The following ZC3HAV1L variants were observed in gnomAD, a reference collection of about 807,000 sequenced individuals.
The protein encoded by ZC3HAV1L is ZC3HAV1 like, also known as zinc finger CCCH-type antiviral protein 1-like.
Under a neutral mutation model 28.2 loss-of-function variants are expected in ZC3HAV1L, and 23 were observed. The ratio of observed to expected loss-of-function variants is 0.82; its 90% CI spans 0.59 to 1.16. ZC3HAV1L has a LOEUF of 1.16. ZC3HAV1L is among the 50% of genes most tolerant of loss of function. The probability of loss-of-function intolerance (pLI) is 0.00; values close to 1 mark genes in which losing one functional copy is unlikely to be tolerated. For missense variants in ZC3HAV1L, 376 were observed against 387.7 expected, an observed-to-expected ratio of 0.97 and a Z score of 0.25; for synonymous variants, 180 against 163.4, an observed-to-expected ratio of 1.10 and a Z score of -0.78.
At chr7:139,024,990 C>CAGGGAGGA (rs371084380), downstream of ZC3HAV1L, among the ~76,000 whole-genome samples, 582 of 151,514 alleles carry the variant, frequency 3.8e-3, 4 homozygotes, top group African/African-American at 0.013. Context: ...AGGTGGAGAG[C>CAGGGAGGA]AGGGAGGAAG....
chr7:139,029,738 TCA>T (rs1345537603), intron 2 of ZC3HAV1L, among the ~76,000 whole-genome samples: 7 of 152,072 alleles, frequency 4.6e-5, no homozygotes, highest in African/African-American at 1.7e-4. Flanking sequence ...CTCAAAAAAA[TCA>T]CACATACCTG....
chr7:139,034,493 G>T, intron 2 of ZC3HAV1L, 50 bp downstream of exon 2: 16 of 1,592,236 alleles, frequency 1.0e-5, no homozygotes, highest in Admixed American at 1.8e-5. Flanking sequence ...AATAAATGGG[G>T]AAAGTACTTG....
chr7:139,023,926 G>C (rs1351946573), downstream of ZC3HAV1L, among the ~76,000 whole-genome samples: 1 of 151,878 alleles, frequency 6.6e-6, no homozygotes, highest in Non-Finnish European at 1.5e-5. Context: ...TCCAACACTG[G>C]GTAACCAATT....
At chr7:139,034,812 G>A (rs943141016) in intron 1 of ZC3HAV1L, 134 bp from the exon 2 acceptor site, 2 of 1,431,602 alleles carry the variant, frequency 1.4e-6, no homozygotes, top group Non-Finnish European at 1.8e-6. Flanking sequence ...GGGATAGTAT[G>A]GCCTAATAAG....
intron 2 of ZC3HAV1L, among the ~76,000 whole-genome samples, chr7:139,031,630 C>T (rs1193918721): frequency 6.6e-6 from 1 of 151,806 alleles, no homozygotes; most frequent in African/African-American, 2.4e-5. Context: ...GGGGGCCAGG[C>T]GCTATGGCTC....
At chr7:139,034,507 C>T (rs1460007462) in intron 2 of ZC3HAV1L, 36 bp downstream of exon 2, 3 of 1,605,680 alleles carry the variant, frequency 1.9e-6, no homozygotes, top group Admixed American at 1.7e-5. Context: ...GTACTTGTAG[C>T]AAATGTGACA....
chr7:139,030,368 CG>C (rs752276383), intron 2 of ZC3HAV1L, among the ~76,000 whole-genome samples: 29 of 151,990 alleles, frequency 1.9e-4, no homozygotes, highest in Non-Finnish European at 3.8e-4. Flanking sequence ...TTACATGAAC[CG>C]GGGAGGTGGA....
intron 2 of ZC3HAV1L, chr7:139,034,104 C>T: frequency 1.0e-6 from 1 of 985,472 alleles, no homozygotes. Context: ...CAGCTCCTAC[C>T]TCTAGTCTTG....
chr7:139,025,313 T>G (rs531096270), downstream of ZC3HAV1L, among the ~76,000 whole-genome samples: 43 of 152,086 alleles, frequency 2.8e-4, no homozygotes, highest in Admixed American at 7.2e-4. Flanking sequence ...CTGGGCGTGG[T>G]GGCTCATGCC....
chr7:139,022,151 A>G (rs1002009717), downstream of ZC3HAV1L, among the ~76,000 whole-genome samples: 1 of 152,242 alleles, frequency 6.6e-6, no homozygotes, highest in Non-Finnish European at 1.5e-5. Flanking sequence ...TAAGCCTTAA[A>G]GAGTTAACTT....
chr7:139,033,214 A>G (rs1313517874), intron 2 of ZC3HAV1L, among the ~76,000 whole-genome samples: 2 of 108,054 alleles, frequency 1.9e-5, no homozygotes, highest in South Asian at 2.7e-4. Flanking sequence ...AAAAAAAACT[A>G]TATAAGTCTG....
chr7:139,034,458 A>G (rs1297485177), intron 2 of ZC3HAV1L, 85 bp downstream of exon 2: 10 of 1,551,034 alleles, frequency 6.4e-6, no homozygotes. Context: ...AGGCAATTAA[A>G]ATTAATATGT....
intron 2 of ZC3HAV1L, among the ~76,000 whole-genome samples, chr7:139,031,729 C>A (rs1238585497): frequency 6.6e-6 from 1 of 152,184 alleles, no homozygotes; most frequent in East Asian, 1.9e-4. Context: ...AAATGACAAA[C>A]CCCATCTCTA....
intron 1 of ZC3HAV1L, 125 bp from the exon 2 acceptor site, chr7:139,034,803 G>C (rs1815649249): frequency 4.1e-6 from 6 of 1,448,352 alleles, no homozygotes; most frequent in Non-Finnish European, 5.5e-6. Flanking sequence ...ATGAAACCGG[G>C]GATAGTATGG....
chr7:139,035,204 CT>C lies in ZC3HAV1L; in HGVS notation c.365+448del, dbSNP rs561438254. 2,029 of 985,432 alleles carry C rather than the reference CT, an allele frequency of 2.1e-3. 37 individuals carry two copies. In the African/African-American group the frequency reaches 0.033, roughly 16 times the overall value. 61.0% of individuals were successfully genotyped at this position (985,432 alleles called of 1,614,324 possible). On this transcript the variant is annotated intron_variant, in intron 1 of 4. Coordinates refer to ENST00000275766, the MANE Select transcript of ZC3HAV1L (RefSeq NM_080660.4). ...TGAGACTGGCTCAGCGCTGTTAAAC[CT>C]AGAGGGCGCAGACCCGCTTCTGCAC...
chr7:139,030,831 T>A (rs989146801), intron 2 of ZC3HAV1L, among the ~76,000 whole-genome samples: 1 of 36,538 alleles, frequency 2.7e-5, no homozygotes, highest in African/African-American at 9.6e-5. Context: ...AAAATAATAA[T>A]AATTAATTAA....
At chr7:139,033,675 C>T in intron 2 of ZC3HAV1L, 1 of 967,504 alleles carries the variant, frequency 1.0e-6, no homozygotes, top group Non-Finnish European at 1.2e-6. Flanking sequence ...GCCCAAGATA[C>T]ATCCTAAAAA....
chr7:139,025,613 G>A (rs908464899), downstream of ZC3HAV1L: 3 of 151,992 alleles, frequency 2.0e-5, no homozygotes, highest in African/African-American at 7.3e-5. Flanking sequence ...CCTCGTTAAA[G>A]GCTGTCCCAC....
intron 2 of ZC3HAV1L, among the ~76,000 whole-genome samples, chr7:139,029,182 T>C (rs917329579): frequency 3.9e-5 from 6 of 152,112 alleles, no homozygotes; most frequent in African/African-American, 7.2e-5. Flanking sequence ...TTTGTATTTT[T>C]AGAAGAGACG....
Sources: allele counts gnomAD v4.1 joint callset (sites outside exome capture counted in the v4.1 genomes callset), GRCh38; gene constraint gnomAD v4.1.1; transcripts MANE v1.5; gene names NCBI Gene and HGNC (gene_info 2026-07-23, HGNC 2026-07-21).